Variants in ENPP6 observed in about 807,000 individuals in gnomAD.
ENPP6 encodes the protein ectonucleotide pyrophosphatase/phosphodiesterase 6.
Under a neutral mutation model 42.0 loss-of-function variants are expected in ENPP6, and 32 were observed. The observed-to-expected ratio is 0.76, with a 90% CI of 0.58 to 1.02. ENPP6 has a LOEUF of 1.02. Ranked by LOEUF, ENPP6 falls within the 50% of genes least tolerant of loss-of-function variation. The pLI is 0.00. For missense variants in ENPP6, 552 were observed against 566.8 expected (o/e 0.97, Z 0.27); for synonymous variants, 213 against 216.0 (o/e 0.99, Z 0.12).
intron 2 of ENPP6, among the ~76,000 whole-genome samples, chr4:184,141,130 G>A (rs183560382): frequency 6.6e-5 from 10 of 152,212 alleles, no homozygotes; most frequent in African/African-American, 9.6e-5. Flanking sequence ...GTGAATTTGC[G>A]TGGGAGCTTT....
At chr4:184,189,486 A>T (rs1458845409) in intron 1 of ENPP6, among the ~76,000 whole-genome samples, 1 of 152,204 alleles carries the variant, frequency 6.6e-6, no homozygotes, top group African/African-American at 2.4e-5. Flanking sequence ...AAAGGTAAGC[A>T]TGGACAGGCT....
At chr4:184,116,820 C>T (rs769245069) in intron 5 of ENPP6, 36 bp downstream of exon 5, 3 of 1,608,384 alleles carry the variant, frequency 1.9e-6, no homozygotes, top group Middle Eastern at 2.2e-4. Flanking sequence ...CGAGGGCCCA[C>T]ATGGCCCTCC....
In ENPP6 at chr4:184,163,369, A is replaced by G. The variant is rs73007858; in HGVS notation, c.242-9636T>C. The stretch of plus-strand genomic sequence containing the variant: ...GTGTGTGCTCAAGGCCACAATTCCA[A>G]TAAGTAGTGGGTGGGGTGAAGAAGT... On this transcript the variant is annotated intron_variant, in intron 1 of 7. Transcript: ENST00000296741. Among the ~76,000 whole-genome samples the G allele has an allele frequency of 2.0e-3, 301 of 152,276 alleles. 2 individuals carry two copies. Among genetic ancestry groups the G allele is most frequent in the African/African-American group, 7.0e-3 (289 of 41,540 alleles).
chr4:184,117,889 G>A lies in ENPP6; in HGVS notation c.545C>T (p.Ala182Val). 3 of 1,614,026 alleles carry A rather than the reference G, an allele frequency of 1.9e-6. No individual in the cohort carries two copies. The highest frequency in any genetic ancestry group is 2.5e-6 in the Non-Finnish European group (3 of 1,179,990). Reference sequence around the variant, plus strand: ...CTCATGGTATATGGCTGCCAGGTCGGCCCGGCCACTCCTGGAGGGACAGAG... The same window carrying A: ...CTCATGGTATATGGCTGCCAGGTCGACCCGGCCACTCCTGGAGGGACAGAG... The part of the protein sequence containing the change: ...DALDSFKSGR[A>V]DLAAIYHERI... The change falls in exon 4 of 8, where the codon GCC becomes GTC. Residue 182 changes from alanine to valine, a missense_variant. Coordinates refer to ENST00000296741, the MANE Select transcript of ENPP6 (RefSeq NM_153343.4).
intron 1 of ENPP6, among the ~76,000 whole-genome samples, chr4:184,172,099 A>G (rs1219383636): frequency 6.6e-6 from 1 of 152,126 alleles, no homozygotes; most frequent in African/African-American, 2.4e-5. Flanking sequence ...AACCCGGTGT[A>G]ACAAAGAGCA....
rs190289939 is a variant in ENPP6 at position 184,148,043 on chromosome 4, A to G, written c.421+5511T>C. 2.7e-3 allele frequency among the ~76,000 whole-genome samples: 403 copies of G among 151,704 alleles called. 10 individuals carry two copies. In the South Asian group the frequency reaches 0.061, roughly 23 times the overall value. Reference sequence around the variant, plus strand: ...TGTTAACCCTCTCAGAGGGAGCTAGACTCCTTATTAGATGATGTCATCATG... The same window carrying G: ...TGTTAACCCTCTCAGAGGGAGCTAGGCTCCTTATTAGATGATGTCATCATG... On this transcript the variant is annotated intron_variant, in intron 2 of 7. Transcript: ENST00000296741.
chr4:184,099,207 G>T (rs1735959872), intron 6 of ENPP6, among the ~76,000 whole-genome samples: 1 of 152,224 alleles, frequency 6.6e-6, no homozygotes, highest in African/African-American at 2.4e-5. Context: ...ACTGCCAGAG[G>T]TCACTGCAGT....
At chr4:184,139,394 T>C (rs1485398709) in intron 2 of ENPP6, among the ~76,000 whole-genome samples, 1 of 151,210 alleles carries the variant, frequency 6.6e-6, no homozygotes, top group East Asian at 1.9e-4. Flanking sequence ...TTCGGGTACA[T>C]GTGCACATTG....
intron 6 of ENPP6, among the ~76,000 whole-genome samples, chr4:184,100,184 G>A (rs558579076): frequency 2.0e-4 from 30 of 152,342 alleles, no homozygotes; most frequent in Non-Finnish European, 3.2e-4. Context: ...GCCACCTGGC[G>A]GGTCAGGTGC....
chr4:184,131,188 T>TCTTTCTTTCTTTCTTTCTTTCTTTCTTC (rs1560987218), intron 2 of ENPP6, among the ~76,000 whole-genome samples: 12 of 63,782 alleles, frequency 1.9e-4, no homozygotes, highest in African/African-American at 6.9e-4. Flanking sequence ...TTTCTTTCTT[T>TCTTTCTTTCTTTCTTTCTTTCTTTCTTC]CTTTCTTTCT....
rs574094759 is a variant in ENPP6 at position 184,156,427 on chromosome 4, A to G, written c.242-2694T>C. ...TGGCTGAAAGAACAGAACAGAACAC[A>G]ATGTACTGGCTTCTGCAGCCCACGA... On this transcript the variant is annotated intron_variant, in intron 1 of 7. Coordinates refer to ENST00000296741, the MANE Select transcript of ENPP6 (RefSeq NM_153343.4). Among the ~76,000 whole-genome samples, 76 of 152,270 alleles carry G rather than the reference A, an allele frequency of 5.0e-4. 1 individual carries two copies. The highest frequency in any genetic ancestry group is 1.7e-3 in the African/African-American group (72 of 41,550).
At chr4:184,181,117 T>C (rs1208308179) in intron 1 of ENPP6, among the ~76,000 whole-genome samples, 1 of 152,184 alleles carries the variant, frequency 6.6e-6, no homozygotes, top group African/African-American at 2.4e-5. Context: ...AACCCCATCA[T>C]CTGAGCCCCA....
intron 1 of ENPP6, among the ~76,000 whole-genome samples, chr4:184,167,985 G>T (rs1737381692): frequency 6.6e-6 from 1 of 152,154 alleles, no homozygotes; most frequent in South Asian, 2.1e-4. Flanking sequence ...TAGTTTCCCA[G>T]TCCAAGCGGT....
chr4:184,175,661 A>G (rs1444744300), intron 1 of ENPP6, among the ~76,000 whole-genome samples: 1 of 152,204 alleles, frequency 6.6e-6, no homozygotes, highest in Non-Finnish European at 1.5e-5. Context: ...CAACAACTGG[A>G]AAGTTTGTGA....
chr4:184,092,281 T>A (rs1735818206), intron 7 of ENPP6, among the ~76,000 whole-genome samples: 1 of 151,948 alleles, frequency 6.6e-6, no homozygotes, highest in African/African-American at 2.4e-5. Context: ...CCTAAATACA[T>A]TTGGAAGATG....
At chr4:184,191,735 C>A (rs1350871730) in intron 1 of ENPP6, among the ~76,000 whole-genome samples, 6 of 152,152 alleles carry the variant, frequency 3.9e-5, no homozygotes, top group Non-Finnish European at 8.8e-5. Flanking sequence ...CCTTTATCTG[C>A]AGAAAATATG....
At chr4:184,161,678 A>G (rs7694277) in intron 1 of ENPP6, among the ~76,000 whole-genome samples, 46,675 of 152,164 alleles carry the variant, frequency 0.31, 7,731 homozygotes, top group East Asian at 0.57. Flanking sequence ...GTATATATAT[A>G]TACCATGGAA....
chr4:184,182,767 A>G (rs112304499), intron 1 of ENPP6, among the ~76,000 whole-genome samples: 7,578 of 152,270 alleles, frequency 0.05, 565 homozygotes, highest in African/African-American at 0.17. Flanking sequence ...ACAGAAAACC[A>G]AACACCACAT....
chr4:184,169,620 C>T (rs1737424560), intron 1 of ENPP6, among the ~76,000 whole-genome samples: 1 of 152,218 alleles, frequency 6.6e-6, no homozygotes, highest in Admixed American at 6.5e-5. Context: ...AGCTCCTGGG[C>T]AGGGTCCTGG....
Sources: gnomAD v4.1 joint callset for allele counts (sites outside exome capture counted in the v4.1 genomes callset) on GRCh38, gnomAD v4.1.1 for gene constraint, MANE v1.5 for transcripts, NCBI Gene and HGNC (gene_info 2026-07-23, HGNC 2026-07-21) for gene names.